Variants in CORO2A observed in about 807,000 individuals in gnomAD.
The protein encoded by CORO2A is coronin 2A, also known as coronin-2A.
Under a neutral mutation model 62.4 loss-of-function variants are expected in CORO2A, and 47 were observed. The ratio of observed to expected loss-of-function variants is 0.75; its 90% confidence interval spans 0.60 to 0.96. The LOEUF (loss-of-function observed/expected upper bound fraction) is 0.96, where lower values mean the gene tolerates loss of function less well. Ranked by LOEUF, CORO2A falls within the 40% of genes least tolerant of loss-of-function variation. The probability of loss-of-function intolerance (pLI) is 0.00; values close to 1 mark genes in which losing one functional copy is unlikely to be tolerated. For missense variants in CORO2A, 610 were observed against 684.1 expected, an observed-to-expected ratio of 0.89 and a Z score of 1.21; for synonymous variants, 273 against 268.9, an observed-to-expected ratio of 1.02 and a Z score of -0.15.
Position 98,129,894 on chromosome 9 carries a change from A to T in CORO2A, c.871-4T>A. 6.2e-7 allele frequency: 1 copy of T among 1,607,340 alleles called. No homozygotes were observed. The highest frequency in any genetic ancestry group is 1.1e-5 in the South Asian group (1 of 90,956). On this transcript the variant is annotated splice_region_variant and splice_polypyrimidine_tract_variant and intron_variant, in intron 7 of 11. Coordinates refer to ENST00000375077, the MANE Select transcript of CORO2A (RefSeq NM_052820.4). ...AGTAGCGGATGTTGCCATCTCCCTG[A>T]GGAGGAGGAGAAGGAAGAGGAGGGT...
At chr9:98,135,576 TG>T (rs1682192214) in intron 3 of CORO2A, among the ~76,000 whole-genome samples, 1 of 152,146 alleles carries the variant, frequency 6.6e-6, no homozygotes, top group East Asian at 1.9e-4. Context: ...TAGTGTTGTC[TG>T]AAGATGGAGG....
intron 2 of CORO2A, among the ~76,000 whole-genome samples, chr9:98,154,329 G>GTGTATA (rs1439685527): frequency 1.1e-5 from 1 of 88,956 alleles, no homozygotes; most frequent in African/African-American, 5.4e-5. Context: ...GTGTTTGTGT[G>GTGTATA]TATATATATA....
intron 1 of CORO2A, among the ~76,000 whole-genome samples, chr9:98,175,424 G>T (rs1019630674): frequency 1.3e-5 from 2 of 152,170 alleles, no homozygotes; most frequent in Admixed American, 1.3e-4. Context: ...ACTCCCACTG[G>T]GCTTCAGCAG....
intron 1 of CORO2A, among the ~76,000 whole-genome samples, chr9:98,190,368 G>A (rs1017332691): frequency 2.6e-5 from 4 of 152,324 alleles, no homozygotes; most frequent in Admixed American, 2.0e-4. Context: ...AGCCTTGCCA[G>A]CACAGAGTTT....
intron 2 of CORO2A, among the ~76,000 whole-genome samples, chr9:98,153,669 C>T (rs1283082862): frequency 6.6e-6 from 1 of 151,028 alleles, no homozygotes; most frequent in African/African-American, 2.4e-5. Flanking sequence ...CACACACACA[C>T]ACACACACAC....
intron 5 of CORO2A, 145 bp from the exon 6 acceptor site, chr9:98,132,446 C>T (rs1389572653): frequency 1.6e-6 from 1 of 636,836 alleles, no homozygotes; most frequent in Non-Finnish European, 2.8e-6. Flanking sequence ...AGATTCTTCC[C>T]AGGGGCACCA....
chr9:98,160,664 C>T (rs1436904961), intron 1 of CORO2A, among the ~76,000 whole-genome samples: 1 of 152,150 alleles, frequency 6.6e-6, no homozygotes, highest in Non-Finnish European at 1.5e-5. Context: ...AGGAGCAAAT[C>T]AGCAGGCTCC....
At chr9:98,145,701 T>A (rs1296360079) in intron 2 of CORO2A, among the ~76,000 whole-genome samples, 2 of 152,094 alleles carry the variant, frequency 1.3e-5, no homozygotes, top group Admixed American at 1.3e-4. Context: ...AGGGTCAGGT[T>A]GGCCTTGGTT....
chr9:98,137,557 G>A lies in CORO2A; in HGVS notation c.318+15C>T. 2 of 1,606,344 alleles carry A rather than the reference G, an allele frequency of 1.2e-6. No homozygotes were observed. The highest frequency in any genetic ancestry group is 1.7e-6 in the Non-Finnish European group (2 of 1,173,140). ...CTCTTCAGGAAGGGGAAGCCCCTCA[G>A]GGGCTGACACTCACTGTGGCATCTT... On this transcript the variant is annotated intron_variant, in intron 3 of 11. Transcript: ENST00000375077.
At chr9:98,125,709 ATTTTTTTTT>A (rs993617176) in intron 11 of CORO2A, among the ~76,000 whole-genome samples, 5 of 89,586 alleles carry the variant, frequency 5.6e-5, no homozygotes, top group African/African-American at 4.7e-5. Context: ...GTTTCCCACC[ATTTTTTTTT>A]TTTTTTTTTT....
At position 98,151,613 on chromosome 9, in the gene CORO2A, T is replaced by C. The variant is rs181489088; in HGVS notation, c.201+5847A>G. Reference sequence around the variant, plus strand: ...TGTAGACAATTATATATGTAAATAATAGCAGTTTTATTTCTTCCTTTTCCA... The same window carrying C: ...TGTAGACAATTATATATGTAAATAACAGCAGTTTTATTTCTTCCTTTTCCA... On this transcript the variant is annotated intron_variant, in intron 2 of 11. Coordinates refer to ENST00000375077, the MANE Select transcript of CORO2A (RefSeq NM_052820.4). 9.8e-5 allele frequency among the ~76,000 whole-genome samples: 15 copies of C among 152,302 alleles called. No individual in the cohort carries two copies. The East Asian group carries it at 2.3e-3, about 23-fold the overall frequency.
intron 2 of CORO2A, among the ~76,000 whole-genome samples, chr9:98,150,428 G>A (rs922922568): frequency 6.6e-6 from 1 of 151,554 alleles, no homozygotes; most frequent in African/African-American, 2.4e-5. Context: ...TTCCCACTCA[G>A]GGGAATGTTT....
Position 98,161,845 on chromosome 9 carries a change from C to A in CORO2A, c.1-4185G>T, listed in dbSNP as rs1021204583. 2.6e-5 allele frequency among the ~76,000 whole-genome samples: 4 copies of A among 152,070 alleles called. No homozygotes were observed. In the South Asian group the frequency reaches 6.2e-4, roughly 24 times the overall value. On this transcript the variant is annotated intron_variant, in intron 1 of 11. Coordinates refer to ENST00000375077, the MANE Select transcript of CORO2A (RefSeq NM_052820.4). ...CATTAACAACAGCCCTGGCCCCTTC[C>A]GGACCCTCTGAGCTGTCTCCCTCCA...
At chr9:98,140,733 C>T (rs1282343072) in intron 2 of CORO2A, among the ~76,000 whole-genome samples, 6 of 152,124 alleles carry the variant, frequency 3.9e-5, no homozygotes, top group African/African-American at 7.2e-5. Flanking sequence ...CATGGGCCAC[C>T]GTGCCTGGCC....
intron 1 of CORO2A, among the ~76,000 whole-genome samples, chr9:98,169,810 G>A (rs1011205283): frequency 6.6e-6 from 1 of 152,196 alleles, no homozygotes; most frequent in Non-Finnish European, 1.5e-5. Flanking sequence ...AACTAAGCCA[G>A]CTCAGGTAAG....
intron 9 of CORO2A, 67 bp downstream of exon 9, chr9:98,128,540 G>T: frequency 1.4e-6 from 2 of 1,421,772 alleles, no homozygotes; most frequent in South Asian, 1.1e-5. Context: ...GTGCCCGACA[G>T]CCCTGGGTCT....
Position 98,124,417 on chromosome 9 carries a change from A to G in CORO2A, c.*357T>C, listed in dbSNP as rs1827286545. On this transcript the variant is annotated 3_prime_UTR_variant, in exon 12 of 12. Coordinates refer to ENST00000375077, the MANE Select transcript of CORO2A (RefSeq NM_052820.4). ...ACTGCGTCTGGCCCAGTCTTCCCCT[A>G]TTCTCTGGACCACAGTTTGAAAATC... The G allele has an allele frequency of 6.2e-6, 1 of 160,238 alleles. No individual in the cohort carries two copies. The highest frequency in any genetic ancestry group is 1.4e-5 in the Non-Finnish European group (1 of 73,530). The allele number at this position is 160,238 out of a possible 1,614,324, so 9.9% of individuals were successfully genotyped here.
chr9:98,174,720 G>A (rs906314777), intron 1 of CORO2A, among the ~76,000 whole-genome samples: 1 of 152,162 alleles, frequency 6.6e-6, no homozygotes. Context: ...GCCCTGTGAA[G>A]AAGGTGCCAG....
chr9:98,140,963 T>A (rs767775877), intron 2 of CORO2A, among the ~76,000 whole-genome samples: 12 of 152,156 alleles, frequency 7.9e-5, no homozygotes, highest in Non-Finnish European at 1.8e-4. Context: ...ATTAAACTTA[T>A]ATAAGTTGAT....
Sources: allele counts gnomAD v4.1 joint callset (sites outside exome capture counted in the v4.1 genomes callset), GRCh38; gene constraint gnomAD v4.1.1; transcripts MANE v1.5; gene names NCBI Gene and HGNC (gene_info 2026-07-23, HGNC 2026-07-21).